DLG2: variants seen among roughly 807,000 people sequenced by gnomAD.
DLG2 encodes the protein discs large MAGUK scaffold protein 2.
A neutral mutation model predicts 132.5 loss-of-function variants in DLG2; 45 were observed. That is an observed-to-expected ratio of 0.34 (90% CI 0.27 to 0.44). The LOEUF is 0.44. Ranked by LOEUF, DLG2 falls within the 20% of genes least tolerant of loss-of-function variation. The pLI is 1.00. For synonymous variants in DLG2, 424 were observed against 419.6 expected (o/e 1.01, Z -0.13); for missense variants, 1,045 against 1,196.9 (o/e 0.87, Z 1.87).
intron 18 of DLG2, among the ~76,000 whole-genome samples, chr11:83,700,976 A>T (rs2082828893): frequency 6.6e-6 from 1 of 152,210 alleles, no homozygotes; most frequent in African/African-American, 2.4e-5. Context: ...GTTTCTTTTG[A>T]ATTAAAACAC....
chr11:83,934,701 TCAGGCAGGGACCTCACCTCATTGCA>T (rs1276552720), intron 14 of DLG2, among the ~76,000 whole-genome samples: 1 of 152,228 alleles, frequency 6.6e-6, no homozygotes, highest in Non-Finnish European at 1.5e-5. Context: ...TCAGGCTGTC[TCAGGCAGGGACCTCACCTCATTGCA>T]CTGTCTTTAT....
At chr11:84,893,670 T>A (rs976573679) in intron 6 of DLG2, among the ~76,000 whole-genome samples, 2 of 152,178 alleles carry the variant, frequency 1.3e-5, no homozygotes, top group East Asian at 3.9e-4. Context: ...TGACGGTTTG[T>A]TAGCTTGTTT....
chr11:84,523,642 A>G lies in DLG2; in HGVS notation c.519+10928T>C, dbSNP rs1033614265. Among the ~76,000 whole-genome samples the G allele has an allele frequency of 3.9e-5, 6 of 152,226 alleles. No individual in the cohort carries two copies. In the East Asian group the frequency reaches 1.2e-3, roughly 29 times the overall value. ...ATTTTAGGGTACCACTAACAATATC[A>G]TCTTTAACCACAGTAACAATAAGTG... On this transcript the variant is annotated intron_variant, in intron 7 of 27. Coordinates refer to ENST00000376104, the MANE Select transcript of DLG2 (RefSeq NM_001142699.3).
At chr11:84,994,909 A>C (rs145952640) in intron 6 of DLG2, among the ~76,000 whole-genome samples, 1 of 152,280 alleles carries the variant, frequency 6.6e-6, no homozygotes, top group African/African-American at 2.4e-5. Flanking sequence ...AAAAATTCTT[A>C]AGGAACTTAA....
chr11:85,346,519 C>T (rs1169478298), intron 3 of DLG2, among the ~76,000 whole-genome samples: 7 of 152,006 alleles, frequency 4.6e-5, no homozygotes, highest in East Asian at 1.9e-4. Flanking sequence ...TTGCAATAAC[C>T]GATATTATTG....
chr11:83,629,241 C>T (rs2063154465), intron 19 of DLG2, among the ~76,000 whole-genome samples: 1 of 152,152 alleles, frequency 6.6e-6, no homozygotes, highest in Admixed American at 6.5e-5. Context: ...ACTGCTGCGT[C>T]CTCAGTGTCC....
chr11:85,575,363 C>A (rs2078091180), intron 3 of DLG2, among the ~76,000 whole-genome samples: 1 of 151,556 alleles, frequency 6.6e-6, no homozygotes, highest in South Asian at 2.1e-4. Context: ...TAGGGAGACC[C>A]CATCTCTATG....
intron 7 of DLG2, among the ~76,000 whole-genome samples, chr11:84,491,067 ACCACT>A (rs1225793417): frequency 6.6e-6 from 1 of 152,062 alleles, no homozygotes; most frequent in Non-Finnish European, 1.5e-5. Flanking sequence ...GGATGCCAGA[ACCACT>A]CCCCAACATA....
chr11:83,720,294 G>GGAAAAAAAAAAAAAAAAA (rs2088054759), intron 18 of DLG2, among the ~76,000 whole-genome samples: 1 of 27,288 alleles, frequency 3.7e-5, no homozygotes, highest in South Asian at 2.1e-3. Flanking sequence ...CTCCATCTCA[G>GGAAAAAAAAAAAAAAAAA]AAAAAAAAAA....
intron 15 of DLG2, among the ~76,000 whole-genome samples, chr11:83,898,351 C>G (rs1486558249): frequency 6.6e-6 from 1 of 151,994 alleles, no homozygotes; most frequent in East Asian, 1.9e-4. Context: ...ACTATAATGA[C>G]TGATTTTCTC....
chr11:84,623,806 T>C lies in DLG2; in HGVS notation c.358-89075A>G, dbSNP rs1190199835. On this transcript the variant is annotated intron_variant, in intron 6 of 27. Transcript: ENST00000376104. ...TTCTTCCCTACCACCATAGTATACA[T>C]ACGTCCTTCCCACCACAATGAGAAT... Among the ~76,000 whole-genome samples the C allele has an allele frequency of 3.3e-5, 5 of 152,334 alleles. No individual in the cohort carries two copies. In the East Asian group the frequency reaches 9.6e-4, roughly 29 times the overall value.
intron 6 of DLG2, among the ~76,000 whole-genome samples, chr11:84,965,756 G>A (rs574693698): frequency 6.6e-6 from 1 of 152,084 alleles, no homozygotes; most frequent in East Asian, 1.9e-4. Flanking sequence ...AGGAAAATAT[G>A]CTAAGAATCT....
intron 6 of DLG2, among the ~76,000 whole-genome samples, chr11:85,043,240 G>T (rs1037277107): frequency 6.6e-6 from 1 of 151,740 alleles, no homozygotes; most frequent in Non-Finnish European, 1.5e-5. Flanking sequence ...ATTTACTGAA[G>T]AGAGAGTTCC....
chr11:85,361,706 C>T (rs1340663889), intron 3 of DLG2, among the ~76,000 whole-genome samples: 1 of 152,128 alleles, frequency 6.6e-6, no homozygotes, highest in East Asian at 1.9e-4. Flanking sequence ...GTCACTATAG[C>T]CTTGTAGTTT....
chr11:84,897,864 T>C (rs561136979), intron 6 of DLG2, among the ~76,000 whole-genome samples: 200 of 151,928 alleles, frequency 1.3e-3, no homozygotes, highest in African/African-American at 4.7e-3. Context: ...TTGGGTAAAA[T>C]GGTCCAGAGA....
chr11:85,539,798 G>GCTA (rs1197875016), intron 3 of DLG2, among the ~76,000 whole-genome samples: 1 of 152,184 alleles, frequency 6.6e-6, no homozygotes, highest in African/African-American at 2.4e-5. Flanking sequence ...GGTTACAAGA[G>GCTA]CTAAGGCAAG....
At chr11:85,576,209 T>C (rs1308673436) in intron 3 of DLG2, among the ~76,000 whole-genome samples, 2 of 152,224 alleles carry the variant, frequency 1.3e-5, no homozygotes, top group African/African-American at 4.8e-5. Context: ...TATTTTTATA[T>C]TATCAGCAGT....
intron 17 of DLG2, among the ~76,000 whole-genome samples, chr11:83,793,722 T>C (rs1406066860): frequency 6.6e-6 from 1 of 152,212 alleles, no homozygotes; most frequent in Admixed American, 6.5e-5. Context: ...TATACCTACC[T>C]ACCTACCTAC....
At chr11:84,990,253 C>A (rs1443922605) in intron 6 of DLG2, among the ~76,000 whole-genome samples, 1 of 152,210 alleles carries the variant, frequency 6.6e-6, no homozygotes, top group African/African-American at 2.4e-5. Flanking sequence ...CGTTCATCAT[C>A]TGCTATGCTT....
Sources: gnomAD v4.1 joint callset for allele counts (sites outside exome capture counted in the v4.1 genomes callset) on GRCh38, gnomAD v4.1.1 for gene constraint, MANE v1.5 for transcripts, NCBI Gene and HGNC (gene_info 2026-07-23, HGNC 2026-07-21) for gene names.